Variants in WT1 observed in about 807,000 individuals in gnomAD.
WT1 encodes the protein Wilms tumor protein.
A neutral mutation model predicts 60.8 loss-of-function variants in WT1; 8 were observed. The ratio of observed to expected loss-of-function variants is 0.13; its 90% CI spans 0.08 to 0.24. The LOEUF is 0.24. WT1 is among the 10% of genes least tolerant of loss of function. The pLI, the probability that WT1 is intolerant of heterozygous loss-of-function variation, is 1.00. For synonymous variants in WT1, 312 were observed against 297.1 expected, an observed-to-expected ratio of 1.05 and a Z score of -0.52; for missense variants, 568 against 711.8, an observed-to-expected ratio of 0.80 and a Z score of 2.30.
intron 7 of WT1, among the ~76,000 whole-genome samples, chr11:32,394,535 C>A (rs1046221383): frequency 6.6e-6 from 1 of 152,164 alleles, no homozygotes; most frequent in South Asian, 2.1e-4. Context: ...AGGATTATAA[C>A]CTGCAGTTAA....
intron 1 of WT1, among the ~76,000 whole-genome samples, 176 bp from the exon 2 acceptor site, chr11:32,428,795 T>A (rs1853161654): frequency 6.6e-6 from 1 of 152,026 alleles, no homozygotes; most frequent in African/African-American, 2.4e-5. Context: ...ACGGCCCAAG[T>A]CCCTGGATGT....
intron 5 of WT1, chr11:32,400,262 C>T (rs926786569): frequency 4.8e-6 from 3 of 629,068 alleles, no homozygotes; most frequent in East Asian, 5.7e-5. Context: ...CCTCATCCTC[C>T]GATTCTCGTA....
chr11:32,426,826 C>T (rs1240346610), intron 3 of WT1, among the ~76,000 whole-genome samples: 1 of 152,190 alleles, frequency 6.6e-6, no homozygotes, highest in African/African-American at 2.4e-5. Context: ...GGCTCACTCT[C>T]GTAAAGGCAG....
Position 32,429,931 on chromosome 11 carries a change from G to C in WT1, c.662-1312C>G, listed in dbSNP as rs1271002937. Among the ~76,000 whole-genome samples the C allele has an allele frequency of 2.8e-5, 4 of 141,636 alleles. No individual in the cohort carries two copies. In the East Asian group the frequency reaches 9.4e-4, roughly 33 times the overall value. The allele number at this position is 141,636 out of a possible 152,430, so 92.9% of individuals were successfully genotyped here. On this transcript the variant is annotated intron_variant, in intron 1 of 9. Transcript: ENST00000452863. Reference sequence around the variant, plus strand: ...CCAGGGCATCGTTACCTCCATTTTCGAAACACACACGGACGCTCATGCACA... The same window carrying C: ...CCAGGGCATCGTTACCTCCATTTTCCAAACACACACGGACGCTCATGCACA...
rs2132898101 is a variant in WT1, at chr11:32,389,104, T to C, written c.1523A>G (p.His508Arg). Residue 508 changes from histidine to arginine, a missense_variant, in exon 10 of 10, where the codon CAC becomes CGC. His to Arg is a conservative substitution (Grantham distance 29). This residue lies in a region of WT1 where 29 missense variants were observed against 46.8 expected (regional missense o/e 0.62). Transcript: ENST00000452863. ...GGTCATGTTTCTCTGATGCATGTTG[T>C]GATGGCGGACTAATTCATCTGACCG... 1 of 1,614,258 alleles carries C rather than the reference T, an allele frequency of 6.2e-7. No homozygotes were observed. Among genetic ancestry groups the C allele is most frequent in the Non-Finnish European group, 8.5e-7 (1 of 1,180,036 alleles).
Position 32,399,992 on chromosome 11 carries a change from C to G in WT1, c.1069G>C (p.Ala357Pro), listed in dbSNP as rs1362066206. ...CCGTGCGTGTGTATTCTGTATTGGG[C>G]TCCGCAGAGGATGGGCGTTGTGTGG... is the stretch of plus-strand genomic sequence containing the variant. Residue 357 changes from alanine (A) to proline (P), a missense_variant, in exon 6 of 10, where the codon GCC becomes CCC. By Grantham distance (27) the Ala-to-Pro change is conservative. Coordinates refer to ENST00000452863, the MANE Select transcript of WT1 (RefSeq NM_024426.6). The G allele has an allele frequency of 6.2e-7, 1 of 1,614,114 alleles. No homozygotes were observed. Among genetic ancestry groups the G allele is most frequent in the Non-Finnish European group, 8.5e-7 (1 of 1,180,052 alleles).
chr11:32,408,514 T>TAAAAAAAAAAAAAAAAAAAA (rs58685266), intron 5 of WT1, among the ~76,000 whole-genome samples: 55 of 74,220 alleles, frequency 7.4e-4, no homozygotes, highest in Middle Eastern at 8.6e-3. Flanking sequence ...GACTACGTCT[T>TAAAAAAAAAAAAAAAAAAAA]AAAAAAAAAA....
At chr11:32,393,346 A>G (rs1193505040) in intron 7 of WT1, among the ~76,000 whole-genome samples, 1 of 152,206 alleles carries the variant, frequency 6.6e-6, no homozygotes, top group Non-Finnish European at 1.5e-5. Context: ...GGTGTGCTTT[A>G]TCCAAGAGAA....
chr11:32,411,023 A>G (rs1410821400), intron 5 of WT1, among the ~76,000 whole-genome samples: 1 of 150,298 alleles, frequency 6.7e-6, no homozygotes, highest in East Asian at 2.0e-4. Context: ...GCTTTGGATC[A>G]TTAAGGTATC....
chr11:32,422,591 G>A (rs765864965), intron 3 of WT1, among the ~76,000 whole-genome samples: 1 of 152,198 alleles, frequency 6.6e-6, no homozygotes, highest in Non-Finnish European at 1.5e-5. Flanking sequence ...GCCAACCCAA[G>A]TGGTAGATCG....
intron 6 of WT1, among the ~76,000 whole-genome samples, chr11:32,396,710 A>G (rs1250622326): frequency 6.6e-6 from 1 of 152,226 alleles, no homozygotes; most frequent in Non-Finnish European, 1.5e-5. Context: ...GGTACCTGGA[A>G]GAGCTCCCAA....
chr11:32,430,631 T>A (rs1853270631), intron 1 of WT1: 4 of 1,528,634 alleles, frequency 2.6e-6, no homozygotes, highest in African/African-American at 2.8e-5. Flanking sequence ...GGGCCGTGGG[T>A]CCCGAGTCGC....
intron 4 of WT1, 89 bp from the exon 5 acceptor site, chr11:32,416,629 C>G: frequency 6.7e-7 from 1 of 1,486,652 alleles, no homozygotes; most frequent in Non-Finnish European, 9.4e-7. Context: ...TGAAAAGCCC[C>G]TCAATACACA....
intron 7 of WT1, among the ~76,000 whole-genome samples, chr11:32,393,887 C>G (rs1186594632): frequency 6.6e-6 from 1 of 152,070 alleles, no homozygotes; most frequent in African/African-American, 2.4e-5. Context: ...AGGGCTGGAG[C>G]CTTTTTATTT....
At chr11:32,432,376 C>A (rs552275996) in intron 1 of WT1, among the ~76,000 whole-genome samples, 1 of 152,316 alleles carries the variant, frequency 6.6e-6, no homozygotes, top group South Asian at 2.1e-4. Flanking sequence ...GCAGCAGGAA[C>A]CCTGGAAATC....
chr11:32,430,870 A>C, intron 1 of WT1: 1 of 1,202,874 alleles, frequency 8.3e-7, no homozygotes, highest in Non-Finnish European at 1.0e-6. Context: ...CACGGGTTTG[A>C]TTAGAGCGCG....
At chr11:32,420,769 A>G (rs1030663200) in intron 3 of WT1, among the ~76,000 whole-genome samples, 1 of 152,246 alleles carries the variant, frequency 6.6e-6, no homozygotes, top group African/African-American at 2.4e-5. Context: ...CTCAGTCTCT[A>G]GAAAATGACG....
At chr11:32,398,252 G>T (rs941829201) in intron 6 of WT1, among the ~76,000 whole-genome samples, 3 of 152,136 alleles carry the variant, frequency 2.0e-5, no homozygotes, top group African/African-American at 7.2e-5. Flanking sequence ...ATCATGTGGG[G>T]TCTGGCCCAG....
chr11:32,430,915 G>A (rs1404733489), intron 1 of WT1: 5 of 1,082,248 alleles, frequency 4.6e-6, no homozygotes, highest in South Asian at 4.2e-5. Context: ...CTGGCGCGGA[G>A]AGTGCGGGGG....
Sources: gnomAD v4.1 joint callset for allele counts (sites outside exome capture counted in the v4.1 genomes callset) on GRCh38, gnomAD v4.1.1 for gene constraint, gnomAD v4.1.1 regional missense constraint, MANE v1.5 for transcripts, NCBI Gene and HGNC (gene_info 2026-07-23, HGNC 2026-07-21) for gene names.